Variants in ACSM1 observed in about 807,000 individuals in gnomAD.
ACSM1 encodes acyl-coenzyme A synthetase ACSM1, mitochondrial.
ACSM1 carries 79 observed loss-of-function variants against 75.8 expected under a neutral mutation model. That is an observed-to-expected ratio of 1.04 (90% CI 0.87 to 1.26). The LOEUF is 1.26. Among genes scored for constraint, ACSM1 ranks in the 50% most tolerant of loss-of-function variants. ACSM1 has a pLI of 0.00. For synonymous variants in ACSM1, 279 were observed against 265.8 expected, an observed-to-expected ratio of 1.05 and a Z score of -0.48; for missense variants, 676 against 720.1, an observed-to-expected ratio of 0.94 and a Z score of 0.70.
chr16:20,646,857 C>G (rs989301938), intron 7 of ACSM1, among the ~76,000 whole-genome samples: 1 of 151,918 alleles, frequency 6.6e-6, no homozygotes, highest in Non-Finnish European at 1.5e-5. Flanking sequence ...AGCCATTAGG[C>G]CCCAAAATTC....
chr16:20,677,226 TA>T (rs34392148), intron 4 of ACSM1, among the ~76,000 whole-genome samples: 366 of 129,856 alleles, frequency 2.8e-3, no homozygotes, highest in Middle Eastern at 0.016. Context: ...TTAAAGAAAT[TA>T]AAAAAAAAAA....
At chr16:20,651,218 A>C (rs1309565010) in intron 7 of ACSM1, among the ~76,000 whole-genome samples, 1 of 152,140 alleles carries the variant, frequency 6.6e-6, no homozygotes, top group Admixed American at 6.6e-5. Context: ...CTAGGGTAAG[A>C]TTTTTTTAAA....
At chr16:20,657,466 G>A (rs1353174979) in intron 7 of ACSM1, among the ~76,000 whole-genome samples, 17 of 151,920 alleles carry the variant, frequency 1.1e-4, no homozygotes, top group Admixed American at 7.9e-4. Context: ...CCACGACCAC[G>A]CCCAGCTAAC....
chr16:20,640,178 T>G (rs1415592395), intron 8 of ACSM1, among the ~76,000 whole-genome samples: 6 of 152,230 alleles, frequency 3.9e-5, no homozygotes, highest in Non-Finnish European at 8.8e-5. Flanking sequence ...CTGATCTAGA[T>G]GAATGCACAA....
intron 1 of ACSM1, among the ~76,000 whole-genome samples, chr16:20,692,826 G>T (rs1384102264): frequency 6.6e-6 from 1 of 152,136 alleles, no homozygotes; most frequent in Non-Finnish European, 1.5e-5. Context: ...TTTATGGTTT[G>T]TAGGGCATAA....
chr16:20,664,301 A>C (rs1004716955), intron 6 of ACSM1, among the ~76,000 whole-genome samples: 3 of 152,216 alleles, frequency 2.0e-5, no homozygotes, highest in Admixed American at 2.0e-4. Flanking sequence ...TAAGCAAAGA[A>C]ATGGAGAAAT....
intron 2 of ACSM1, among the ~76,000 whole-genome samples, chr16:20,686,153 AT>A (rs540598453): frequency 3.3e-5 from 5 of 152,188 alleles, no homozygotes; most frequent in Non-Finnish European, 7.3e-5. Flanking sequence ...AATAAATATT[AT>A]TATTATCACA....
chr16:20,667,815 C>T (rs539983559), intron 6 of ACSM1, among the ~76,000 whole-genome samples: 2 of 152,194 alleles, frequency 1.3e-5, no homozygotes, highest in African/African-American at 2.4e-5. Flanking sequence ...CAATACTACA[C>T]AGCCATAAAG....
At chr16:20,635,803 C>T (rs1045585513) in intron 10 of ACSM1, among the ~76,000 whole-genome samples, 12 of 152,052 alleles carry the variant, frequency 7.9e-5, no homozygotes, top group African/African-American at 2.7e-4. Flanking sequence ...CCATGCCCAG[C>T]TAATCTTTTG....
intron 1 of ACSM1, among the ~76,000 whole-genome samples, chr16:20,692,810 T>C (rs904246842): frequency 1.3e-5 from 2 of 152,170 alleles, no homozygotes; most frequent in Non-Finnish European, 2.9e-5. Flanking sequence ...ACCCATCTGA[T>C]GAGAATTTAT....
rs1003508327 is a variant in ACSM1 at position 20,636,725 on chromosome 16, T to C, written c.1299+14A>G. 6.2e-7 allele frequency: 1 copy of C among 1,604,586 alleles called. No individual in the cohort carries two copies. The highest frequency in any genetic ancestry group is 1.3e-5 in the African/African-American group (1 of 74,658). On this transcript the variant is annotated intron_variant, in intron 10 of 13. Transcript: ENST00000520010. ...TCCTTGGGGCCAGGATGGGGGCAGA[T>C]GGGGGGTCATTACCTCATAGCACAT...
At chr16:20,643,091 G>A (rs2152222003) in intron 7 of ACSM1, among the ~76,000 whole-genome samples, 1 of 152,254 alleles carries the variant, frequency 6.6e-6, no homozygotes, top group Non-Finnish European at 1.5e-5. Context: ...CCTCTCTGTT[G>A]ACCCTTGGCT....
intron 7 of ACSM1, among the ~76,000 whole-genome samples, chr16:20,657,546 T>C (rs144047551): frequency 0.03 from 4,557 of 152,122 alleles, 150 homozygotes; most frequent in Admixed American, 0.073. Flanking sequence ...TGACCTCAGG[T>C]GATCCACCCA....
At chr16:20,637,189 T>C (rs2017767137) in intron 9 of ACSM1, 182 bp downstream of exon 9, 1 of 770,642 alleles carries the variant, frequency 1.3e-6, no homozygotes, top group African/African-American at 1.7e-5. Flanking sequence ...GTCAGCGGTG[T>C]TCATGCTCAC....
At chr16:20,694,781 G>T (rs1205055732) in intron 1 of ACSM1, among the ~76,000 whole-genome samples, 1 of 152,146 alleles carries the variant, frequency 6.6e-6, no homozygotes, top group East Asian at 1.9e-4. Flanking sequence ...TTTGGAGATT[G>T]GGTCTTTAAA....
chr16:20,644,249 A>C (rs1214461274), intron 7 of ACSM1, among the ~76,000 whole-genome samples: 1 of 152,250 alleles, frequency 6.6e-6, no homozygotes, highest in Non-Finnish European at 1.5e-5. Context: ...TAGCAGAAGA[A>C]AGTAGAAAAA....
At chr16:20,634,222 T>C (rs1404620292) in intron 10 of ACSM1, among the ~76,000 whole-genome samples, 1 of 152,192 alleles carries the variant, frequency 6.6e-6, no homozygotes, top group Non-Finnish European at 1.5e-5. Context: ...TAACTCAAAA[T>C]GGATCAAAAA....
intron 4 of ACSM1, chr16:20,679,766 G>T (rs1169312429): frequency 1.3e-5 from 2 of 152,210 alleles, no homozygotes; most frequent in Admixed American, 1.3e-4. Context: ...TATTCGGTCT[G>T]TGACCCAGGA....
rs555686315 is a variant in ACSM1 at position 20,648,463 on chromosome 16, A to C, written c.993-7879T>G. On this transcript the variant is annotated intron_variant, in intron 7 of 13. Transcript: ENST00000520010. This position sits in a 1 kb window ranked among gnomAD's most constrained non-coding sequence, Gnocchi z 4.2. ...CAGAATGGACCCCTCCTCTCAGTCA[A>C]TTGCATTCCAAAGTTATCCTAAGAC... Among the ~76,000 whole-genome samples, 19 of 152,262 alleles carry C rather than the reference A, an allele frequency of 1.2e-4. No homozygotes were observed. Among genetic ancestry groups the C allele is most frequent in the Admixed American group, 2.0e-4 (3 of 15,278 alleles).
Sources: allele counts gnomAD v4.1 joint callset (sites outside exome capture counted in the v4.1 genomes callset), GRCh38; gene constraint gnomAD v4.1.1; non-coding constraint Gnocchi (gnomAD v3.1); transcripts MANE v1.5; gene names NCBI Gene and HGNC (gene_info 2026-07-23, HGNC 2026-07-21).